Variants in STRN4 observed in about 807,000 individuals in gnomAD.
The protein encoded by STRN4 is striatin 4.
A neutral mutation model predicts 77.9 loss-of-function variants in STRN4; 27 were observed. The observed-to-expected ratio is 0.35, with a 90% confidence interval of 0.26 to 0.48. The LOEUF (loss-of-function observed/expected upper bound fraction) is 0.48. STRN4 is among the 20% of genes least tolerant of loss of function. The pLI, the probability that STRN4 is intolerant of heterozygous loss-of-function variation, is 0.99. For missense variants in STRN4, 798 were observed against 1,049.7 expected (o/e 0.76, Z 3.31); for synonymous variants, 466 against 443.1 (o/e 1.05, Z -0.65).
intron 6 of STRN4, 68 bp from the exon 7 acceptor site, chr19:46,728,845 T>TAGG: frequency 6.3e-7 from 1 of 1,581,208 alleles, no homozygotes; most frequent in African/African-American, 1.3e-5. Flanking sequence ...CCTCCGTGCC[T>TAGG]AGGAACAGGT....
At chr19:46,722,430 C>T (rs1398460521) in intron 14 of STRN4, 90 bp from the exon 15 acceptor site, 7 of 1,324,836 alleles carry the variant, frequency 5.3e-6, no homozygotes, top group South Asian at 1.2e-5. Flanking sequence ...ACAGCCCCTA[C>T]ACCAGCCTCT....
rs934203920 is a variant in STRN4 at position 46,727,228 on chromosome 19, G to A, written c.1248+224C>T. Among the ~76,000 whole-genome samples, 3 of 152,226 alleles carry A rather than the reference G, an allele frequency of 2.0e-5. 1 individual carries two copies. The highest frequency in any genetic ancestry group is 4.1e-4 in the South Asian group (2 of 4,832). On this transcript the variant is annotated intron_variant, in intron 9 of 17. Coordinates refer to ENST00000263280, the MANE Select transcript of STRN4 (RefSeq NM_013403.3). ...GCATTCCAAATCACCAGGGTGGGAG[G>A]GGCAGAGTGGAGGAGCCGTGGAACT...
At chr19:46,722,752 G>A (rs760972670) in intron 14 of STRN4, 58 bp downstream of exon 14, 149 of 1,598,924 alleles carry the variant, frequency 9.3e-5, no homozygotes, top group Non-Finnish European at 1.2e-4. Context: ...GCCCCAGGAG[G>A]AAGTGGGGCC....
chr19:46,728,955 C>G (rs931335979), intron 6 of STRN4, 178 bp from the exon 7 acceptor site: 57 of 857,244 alleles, frequency 6.6e-5, no homozygotes, highest in Non-Finnish European at 9.0e-5. Flanking sequence ...GCTGCTACCA[C>G]TAGGGCCGGT....
At chr19:46,742,851 G>A (rs574337375) in intron 1 of STRN4, among the ~76,000 whole-genome samples, 25 of 152,328 alleles carry the variant, frequency 1.6e-4, no homozygotes, top group South Asian at 1.5e-3. Context: ...GCGAGCCACC[G>A]CGCCCAGCCC....
Position 46,720,578 on chromosome 19 carries a change from G to A in STRN4, c.*24C>T, listed in dbSNP as rs760826537. The A allele has an allele frequency of 1.8e-5, 27 of 1,530,764 alleles. No homozygotes were observed. The highest frequency in any genetic ancestry group is 1.1e-4 in the South Asian group (9 of 78,662). The allele number at this position is 1,530,764 out of a possible 1,614,324, so 94.8% of individuals were successfully genotyped here. ...GGCCCTACACCCCAGCCAGCGTGGCGGCCAGGGCAGGGCCAGGTGGGCATC... is the reference window on the plus strand; with the variant it reads ...GGCCCTACACCCCAGCCAGCGTGGCAGCCAGGGCAGGGCCAGGTGGGCATC... On this transcript the variant is annotated 3_prime_UTR_variant, in exon 17 of 18. Transcript: ENST00000263280.
chr19:46,726,421 G>A (rs927350339), intron 9 of STRN4, among the ~76,000 whole-genome samples: 5 of 150,298 alleles, frequency 3.3e-5, no homozygotes, highest in Non-Finnish European at 5.9e-5. Flanking sequence ...AAGGCAGAAC[G>A]ATCATTTGAC....
Position 46,738,135 on chromosome 19 carries a change from C to T in STRN4, c.460+29G>A, listed in dbSNP as rs778472563. ...ACACTCAGCTTCTGCGGGAGGGTGC[C>T]GACAGTGCGAGCATCAGAGGGTGGG... On this transcript the variant is annotated intron_variant, in intron 3 of 17. Coordinates refer to ENST00000263280, the MANE Select transcript of STRN4 (RefSeq NM_013403.3). This position sits in a 1 kb window ranked among gnomAD's most constrained non-coding sequence, Gnocchi z 4.5. 9.9e-6 allele frequency: 16 copies of T among 1,609,648 alleles called. No homozygotes were observed. The African/African-American group carries it at 1.3e-4, about 13-fold the overall frequency.
chr19:46,739,225 T>C, intron 1 of STRN4: 2 of 355,496 alleles, frequency 5.6e-6, no homozygotes, highest in Non-Finnish European at 1.1e-5. Context: ...AGGGTGGGCA[T>C]TCACCGCCCT....
intron 9 of STRN4, 33 bp from the exon 10 acceptor site, chr19:46,725,681 G>A (rs752699720): frequency 8.7e-6 from 14 of 1,605,738 alleles, no homozygotes; most frequent in Middle Eastern, 1.8e-4. Context: ...CAGTGTCTTC[G>A]CATCCATCCC....
chr19:46,737,149 T>C (rs1022685705), intron 3 of STRN4, among the ~76,000 whole-genome samples: 4 of 152,162 alleles, frequency 2.6e-5, no homozygotes, highest in Admixed American at 2.0e-4. Flanking sequence ...AAGGGTGTTA[T>C]CTCAAAACCA....
chr19:46,738,039 G>A lies in STRN4; in HGVS notation c.460+125C>T. ...GAGAGTGAGATTCCGCCCCTCCCCA[G>A]CCCCGGGGCCGATTCTGCCTTCTAA... On this transcript the variant is annotated intron_variant, in intron 3 of 17. Coordinates refer to ENST00000263280, the MANE Select transcript of STRN4 (RefSeq NM_013403.3). The surrounding 1 kb of genome is among the most constrained non-coding windows in gnomAD (Gnocchi z 4.5). 1.0e-6 allele frequency: 1 copy of A among 990,334 alleles called. No homozygotes were observed. Among genetic ancestry groups the A allele is most frequent in the African/African-American group, 1.6e-5 (1 of 62,906 alleles). The allele number at this position is 990,334 out of a possible 1,614,324, so 61.3% of individuals were successfully genotyped here.
intron 16 of STRN4, 70 bp from the exon 17 acceptor site, chr19:46,720,841 C>T (rs895830786): frequency 6.9e-6 from 10 of 1,458,842 alleles, no homozygotes; most frequent in Non-Finnish European, 9.1e-6. Context: ...TGGAACCCCT[C>T]ACCTGGCCTT....
intron 7 of STRN4, chr19:46,728,412 C>T (rs559832105): frequency 8.4e-5 from 58 of 692,468 alleles, no homozygotes; most frequent in East Asian, 4.7e-4. Flanking sequence ...GGACTGCCTG[C>T]GTCTCCATGG....
Position 46,720,573 on chromosome 19 carries a change from G to A in STRN4, c.*29C>T, listed in dbSNP as rs759704856. ...TGCCCGGCCCTACACCCCAGCCAGC[G>A]TGGCGGCCAGGGCAGGGCCAGGTGG... On this transcript the variant is annotated 3_prime_UTR_variant, in exon 17 of 18. Coordinates refer to ENST00000263280, the MANE Select transcript of STRN4 (RefSeq NM_013403.3). The A allele has an allele frequency of 1.2e-5, 19 of 1,521,060 alleles. No individual in the cohort carries two copies. The highest frequency in any genetic ancestry group is 1.8e-4 in the Middle Eastern group (1 of 5,604). 94.2% of individuals were successfully genotyped at this position (1,521,060 alleles called of 1,614,324 possible).
chr19:46,738,665 G>GCC lies in STRN4; in HGVS notation c.386+119_386+120insGG. The GCC allele has an allele frequency of 1.1e-6, 1 of 932,272 alleles. No individual in the cohort carries two copies. The highest frequency in any genetic ancestry group is 1.8e-5 in the Admixed American group (1 of 56,298). 57.7% of individuals were successfully genotyped at this position (932,272 alleles called of 1,614,324 possible). ...CCCTAGAATCTTATGGTACTGGAAT[G>GCC]ATGGAAAAGAATGTCGACCCCAAAT... On this transcript the variant is annotated intron_variant, in intron 2 of 17. Coordinates refer to ENST00000263280, the MANE Select transcript of STRN4 (RefSeq NM_013403.3). This position sits in a 1 kb window ranked among gnomAD's most constrained non-coding sequence, Gnocchi z 4.5.
rs1006932571 is a variant in STRN4 at position 46,720,297 on chromosome 19, C to A, written c.*108G>T. ...ACCACCAGGCTCCATGGCAAACAGA[C>A]AGAGGCCAGGCCTCTGCACCTCCAG... is the stretch of plus-strand genomic sequence containing the variant. On this transcript the variant is annotated 3_prime_UTR_variant, in exon 18 of 18. Coordinates refer to ENST00000263280, the MANE Select transcript of STRN4 (RefSeq NM_013403.3). The A allele has an allele frequency of 8.9e-5, 25 of 282,182 alleles. No individual in the cohort carries two copies. Among genetic ancestry groups the A allele is most frequent in the African/African-American group, 1.3e-4 (6 of 45,996 alleles). 17.5% of individuals were successfully genotyped at this position (282,182 alleles called of 1,614,324 possible). A position where few individuals can be genotyped will look rare whatever the true frequency, so the allele number is the denominator to read the frequency against.
chr19:46,720,862 C>T, intron 16 of STRN4, 91 bp from the exon 17 acceptor site: 4 of 1,405,018 alleles, frequency 2.8e-6, no homozygotes, highest in South Asian at 3.2e-5. Flanking sequence ...GTCCAAAGGC[C>T]TCAGGGGAAG....
Position 46,725,514 on chromosome 19 carries a change from C to T in STRN4, c.1383G>A (p.Thr461=), listed in dbSNP as rs375874209. 100 of 1,614,044 alleles carry T rather than the reference C, an allele frequency of 6.2e-5. No individual in the cohort carries two copies. Among genetic ancestry groups the T allele is most frequent in the South Asian group, 2.2e-4 (20 of 91,086 alleles). ...CCTTCTGCAGGTTCCAGAGCTTGAG[C>T]GTGCCGTCCTCGGAGGCGGTGAGCA... The part of the protein sequence containing the change: ...SALLTASEDG[T]LKLWNLQKAV... The change falls in exon 10 of 18, where the codon ACG becomes ACA. Residue 461 remains threonine (T), a synonymous_variant. Transcript: ENST00000263280.
Sources: allele counts gnomAD v4.1 joint callset (sites outside exome capture counted in the v4.1 genomes callset), GRCh38; gene constraint gnomAD v4.1.1; non-coding constraint Gnocchi (gnomAD v3.1); transcripts MANE v1.5; gene names NCBI Gene and HGNC (gene_info 2026-07-23, HGNC 2026-07-21).